The following NHSL1 variants were observed in gnomAD, a reference collection of about 807,000 sequenced individuals.
NHSL1 encodes NHS like 1.
NHSL1 carries 48 observed loss-of-function variants against 95.0 expected under a neutral mutation model. That is an observed-to-expected ratio of 0.51 (90% CI 0.40 to 0.64). NHSL1 has a LOEUF of 0.64. Among genes scored for constraint, NHSL1 ranks in the 30% least tolerant of loss-of-function variants. The probability of loss-of-function intolerance (pLI) is 0.00; values close to 1 mark genes in which losing one functional copy is unlikely to be tolerated. For synonymous variants in NHSL1, 783 were observed against 833.9 expected (o/e 0.94, Z 1.05); for missense variants, 1,971 against 2,077.7 (o/e 0.95, Z 1.00).
At position 138,692,448 on chromosome 6, in the gene NHSL1, C is replaced by G; in HGVS notation, c.96+28G>C. ...TCTCCGGGTGCCTCCCCCGCCGGTT[C>G]CCCTCCCCCGGCCCGCCGGCCACTC... On this transcript the variant is annotated intron_variant, in intron 1 of 3. Transcript: ENST00000491526. The surrounding 1 kb of genome is among the most constrained non-coding windows in gnomAD (Gnocchi z 4.0). 1 of 208,638 alleles carries G rather than the reference C, an allele frequency of 4.8e-6. No homozygotes were observed. The highest frequency in any genetic ancestry group is 6.7e-5 in the South Asian group (1 of 14,910). 12.9% of individuals were successfully genotyped at this position (208,638 alleles called of 1,614,324 possible). A position where few individuals can be genotyped will look rare whatever the true frequency, so the allele number is the denominator to read the frequency against.
At chr6:138,641,229 C>T (rs1259651816) in intron 1 of NHSL1, among the ~76,000 whole-genome samples, 1 of 152,180 alleles carries the variant, frequency 6.6e-6, no homozygotes, top group African/African-American at 2.4e-5. Flanking sequence ...CTAAAACAAG[C>T]ACTTAGTGCT....
At chr6:138,603,243 G>T (rs1485180706) in intron 1 of NHSL1, among the ~76,000 whole-genome samples, 1 of 151,968 alleles carries the variant, frequency 6.6e-6, no homozygotes, top group African/African-American at 2.4e-5. Flanking sequence ...TAGAGATGAG[G>T]TTTGTCATGT....
chr6:138,617,283 G>A (rs1003756237), intron 1 of NHSL1, among the ~76,000 whole-genome samples: 4 of 152,106 alleles, frequency 2.6e-5, no homozygotes, highest in South Asian at 2.1e-4. Context: ...TCTTTCAGGC[G>A]GTGGGAAGGG....
intron 1 of NHSL1, among the ~76,000 whole-genome samples, chr6:138,657,814 CAA>C (rs1051789759): frequency 3.6e-4 from 12 of 33,032 alleles, no homozygotes; most frequent in Non-Finnish European, 6.8e-4. Flanking sequence ...GACTCCATCT[CAA>C]AAAAAAAAAA....
chr6:138,550,119 A>T (rs1433387576), upstream of NHSL1, among the ~76,000 whole-genome samples: 1 of 152,062 alleles, frequency 6.6e-6, no homozygotes, highest in Non-Finnish European at 1.5e-5. Context: ...TACACCTGTA[A>T]TCCCAGCTAC....
intron 1 of NHSL1, among the ~76,000 whole-genome samples, chr6:138,532,090 A>T (rs1480425387): frequency 6.6e-6 from 1 of 152,224 alleles, no homozygotes; most frequent in Non-Finnish European, 1.5e-5. Flanking sequence ...ATCTGAACTG[A>T]ATCCTGTAAG....
intron 2 of NHSL1, among the ~76,000 whole-genome samples, chr6:138,474,426 A>T (rs1176451109): frequency 6.6e-6 from 1 of 152,152 alleles, no homozygotes; most frequent in Non-Finnish European, 1.5e-5. Context: ...AGGAGACGGC[A>T]GTCACTTCAG....
At chr6:138,553,975 G>A (rs1265192338) in intron 1 of NHSL1, among the ~76,000 whole-genome samples, 2 of 152,158 alleles carry the variant, frequency 1.3e-5, no homozygotes, top group East Asian at 3.8e-4. Context: ...ATATTTTCTG[G>A]AAATATCTCT....
chr6:138,678,847 A>AAATT (rs1785479325), intron 1 of NHSL1, among the ~76,000 whole-genome samples: 1 of 152,200 alleles, frequency 6.6e-6, no homozygotes, highest in Non-Finnish European at 1.5e-5. Flanking sequence ...GTGTTACTAT[A>AAATT]AATTATTAAT....
At chr6:138,459,461 T>C (rs796544509) in intron 3 of NHSL1, among the ~76,000 whole-genome samples, 23 of 152,356 alleles carry the variant, frequency 1.5e-4, no homozygotes, top group African/African-American at 5.0e-4. Context: ...TACTATATCA[T>C]TGAACTGTTA....
At chr6:138,645,525 T>G (rs559132736) in intron 1 of NHSL1, among the ~76,000 whole-genome samples, 86 of 151,246 alleles carry the variant, frequency 5.7e-4, no homozygotes, top group Middle Eastern at 6.8e-3. Context: ...TTTTTTTTTT[T>G]GGGACAGAGT....
intron 1 of NHSL1, among the ~76,000 whole-genome samples, chr6:138,604,263 A>C (rs986783564): frequency 7.2e-5 from 11 of 152,380 alleles, no homozygotes; most frequent in Admixed American, 7.2e-4. Context: ...TCCCAAAGAC[A>C]ATTAATCAGA....
chr6:138,660,696 C>T (rs1785215865), intron 1 of NHSL1, among the ~76,000 whole-genome samples: 1 of 151,530 alleles, frequency 6.6e-6, no homozygotes, highest in Admixed American at 6.6e-5. Flanking sequence ...TGGCTCACAC[C>T]TATAATCCCA....
At chr6:138,681,948 C>A (rs2114786575) in intron 1 of NHSL1, among the ~76,000 whole-genome samples, 1 of 151,734 alleles carries the variant, frequency 6.6e-6, no homozygotes, top group East Asian at 1.9e-4. Flanking sequence ...AATCTAAAAC[C>A]ATTGTCTATC....
intron 1 of NHSL1, among the ~76,000 whole-genome samples, chr6:138,670,589 C>T (rs372438652): frequency 5.4e-5 from 8 of 146,890 alleles, no homozygotes; most frequent in African/African-American, 2.0e-4. Flanking sequence ...TGGCGTGAAC[C>T]CGGGAGGCGG....
chr6:138,646,754 G>C (rs908647234), intron 1 of NHSL1, among the ~76,000 whole-genome samples: 3 of 152,106 alleles, frequency 2.0e-5, no homozygotes, highest in Admixed American at 6.6e-5. Flanking sequence ...CTCCATTCTG[G>C]GTTTACAGTC....
At chr6:138,474,746 C>T (rs1778960291) in intron 2 of NHSL1, among the ~76,000 whole-genome samples, 1 of 152,224 alleles carries the variant, frequency 6.6e-6, no homozygotes, top group Middle Eastern at 3.4e-3. Context: ...TTCCAGAACA[C>T]AACATATTTT....
At chr6:138,644,736 C>T (rs1000220181) in intron 1 of NHSL1, among the ~76,000 whole-genome samples, 1 of 152,170 alleles carries the variant, frequency 6.6e-6, no homozygotes, top group Non-Finnish European at 1.5e-5. Flanking sequence ...AGGAGACAAA[C>T]GATAAATTAT....
At chr6:138,564,002 C>G (rs771448392) in intron 1 of NHSL1, among the ~76,000 whole-genome samples, 1 of 152,112 alleles carries the variant, frequency 6.6e-6, no homozygotes, top group Non-Finnish European at 1.5e-5. Flanking sequence ...GGCTTGGCAT[C>G]GTTAATTCCA....
Sources: allele counts gnomAD v4.1 joint callset (sites outside exome capture counted in the v4.1 genomes callset), GRCh38; gene constraint gnomAD v4.1.1; non-coding constraint Gnocchi (gnomAD v3.1); transcripts MANE v1.5; gene names NCBI Gene and HGNC (gene_info 2026-07-23, HGNC 2026-07-21).